CSNK1G1: variants seen among roughly 807,000 people sequenced by gnomAD.
CSNK1G1 encodes casein kinase I isoform gamma-1.
A neutral mutation model predicts 59.6 loss-of-function variants in CSNK1G1; 22 were observed. The observed-to-expected ratio is 0.37, with a 90% CI of 0.26 to 0.53. The LOEUF is 0.53. Among genes scored for constraint, CSNK1G1 ranks in the 20% least tolerant of loss-of-function variants. CSNK1G1 has a pLI of 0.89. For synonymous variants in CSNK1G1, 179 were observed against 177.1 expected, an observed-to-expected ratio of 1.01 and a Z score of -0.08; for missense variants, 384 against 519.5, an observed-to-expected ratio of 0.74 and a Z score of 2.54.
intron 1 of CSNK1G1, chr15:64,342,751 G>C (rs907231654): frequency 1.3e-5 from 2 of 152,154 alleles, no homozygotes; most frequent in Non-Finnish European, 2.9e-5. Flanking sequence ...ATGGATCCCT[G>C]CTTATGAGCA....
intron 1 of CSNK1G1, among the ~76,000 whole-genome samples, chr15:64,341,601 T>C (rs1264779090): frequency 6.6e-6 from 1 of 152,116 alleles, no homozygotes; most frequent in Non-Finnish European, 1.5e-5. Context: ...ATCTCTTGAG[T>C]AGCTGAGACT....
intron 2 of CSNK1G1, among the ~76,000 whole-genome samples, chr15:64,267,256 CAAA>C (rs199581105): frequency 8.1e-5 from 5 of 61,822 alleles, no homozygotes; most frequent in Non-Finnish European, 1.5e-4. Flanking sequence ...GACCTTATCT[CAAA>C]AAAAAAAAAA....
At chr15:64,343,270 G>A (rs1001469804) in intron 1 of CSNK1G1, among the ~76,000 whole-genome samples, 1 of 94,592 alleles carries the variant, frequency 1.1e-5, no homozygotes, top group African/African-American at 3.6e-5. Context: ...TGCCTCTGTA[G>A]GCTTATTTCT....
chr15:64,305,135 G>A (rs1895599380), intron 1 of CSNK1G1, among the ~76,000 whole-genome samples: 1 of 151,980 alleles, frequency 6.6e-6, no homozygotes, highest in African/African-American at 2.4e-5. Flanking sequence ...CCTTCTGTTG[G>A]GTTGCCACTG....
At chr15:64,289,776 C>T (rs902495821) in intron 2 of CSNK1G1, among the ~76,000 whole-genome samples, 2 of 151,860 alleles carry the variant, frequency 1.3e-5, no homozygotes, top group Non-Finnish European at 2.9e-5. Flanking sequence ...AACAAAAAAC[C>T]GTATAACCTC....
At position 64,176,186 on chromosome 15, in the gene CSNK1G1, G is replaced by A. The variant is rs1309222127; in HGVS notation, c.1214+4162C>T. ...ATGGAAGCTATTTAATGTTCCTAAG[G>A]CATTTTGTTTGGCTTTGCCAGTCCC... On this transcript the variant is annotated intron_variant, in intron 11 of 11. Coordinates refer to ENST00000303052, the MANE Select transcript of CSNK1G1 (RefSeq NM_022048.5). The surrounding 1 kb of genome is among the most constrained non-coding windows in gnomAD (Gnocchi z 5.2). 4 of 398,502 alleles carry A rather than the reference G, an allele frequency of 1.0e-5. No homozygotes were observed. Among genetic ancestry groups the A allele is most frequent in the Non-Finnish European group, 1.8e-5 (4 of 226,074 alleles). 24.7% of individuals were successfully genotyped at this position (398,502 alleles called of 1,614,324 possible). A position where few individuals can be genotyped will look rare whatever the true frequency, so the allele number is the denominator to read the frequency against.
chr15:64,349,388 G>T (rs1898159237), intron 1 of CSNK1G1, among the ~76,000 whole-genome samples: 1 of 152,018 alleles, frequency 6.6e-6, no homozygotes, highest in South Asian at 2.1e-4. Context: ...TCTGGACAAG[G>T]CAAAAACTAA....
At chr15:64,199,625 C>T (rs1292208436) in intron 10 of CSNK1G1, among the ~76,000 whole-genome samples, 3 of 152,270 alleles carry the variant, frequency 2.0e-5, no homozygotes, top group South Asian at 2.1e-4. Context: ...GAGGCCGAGG[C>T]GGGCGGATTG....
intron 1 of CSNK1G1, among the ~76,000 whole-genome samples, chr15:64,318,368 A>C (rs146923881): frequency 5.3e-5 from 8 of 152,230 alleles, no homozygotes; most frequent in Admixed American, 5.2e-4. Context: ...TTTCTGAAAG[A>C]CATTTCTAGA....
At chr15:64,325,663 T>C (rs1432308615) in intron 1 of CSNK1G1, among the ~76,000 whole-genome samples, 3 of 152,032 alleles carry the variant, frequency 2.0e-5, no homozygotes, top group Non-Finnish European at 4.4e-5. Context: ...ATCTCTAAAT[T>C]TTTACAGTAA....
In CSNK1G1 at chr15:64,200,966, A is replaced by T. The variant is rs2082098626; in HGVS notation, c.1107+2116T>A. ...AGTAAGGTATTTCATCAGAGAAGAA[A>T]ATAACTTGATCAAATTGCTTTCTAG... is the stretch of plus-strand genomic sequence containing the variant. On this transcript the variant is annotated intron_variant, in intron 10 of 11. Transcript: ENST00000303052. The surrounding 1 kb of genome is among the most constrained non-coding windows in gnomAD (Gnocchi z 4.3). Among the ~76,000 whole-genome samples the T allele has an allele frequency of 6.6e-6, 1 of 152,192 alleles. No individual in the cohort carries two copies. The highest frequency in any genetic ancestry group is 1.5e-5 in the Non-Finnish European group (1 of 68,036).
chr15:64,285,624 C>G (rs1347316499), intron 2 of CSNK1G1, among the ~76,000 whole-genome samples: 1 of 152,102 alleles, frequency 6.6e-6, no homozygotes, highest in African/African-American at 2.4e-5. Context: ...AACATTAATC[C>G]AAACTACCTG....
intron 1 of CSNK1G1, among the ~76,000 whole-genome samples, chr15:64,305,953 A>T (rs1006995955): frequency 6.6e-6 from 1 of 152,136 alleles, no homozygotes; most frequent in Non-Finnish European, 1.5e-5. Context: ...AAAGAAAAAT[A>T]ATCTAGATAC....
At chr15:64,338,138 A>G (rs1233526385) in intron 1 of CSNK1G1, among the ~76,000 whole-genome samples, 2 of 152,148 alleles carry the variant, frequency 1.3e-5, no homozygotes, top group South Asian at 2.1e-4. Context: ...TGCTGGGTCT[A>G]TATGGTAGTC....
intron 2 of CSNK1G1, among the ~76,000 whole-genome samples, chr15:64,267,118 G>A (rs974633861): frequency 4.6e-5 from 7 of 151,974 alleles, no homozygotes; most frequent in African/African-American, 1.2e-4. Flanking sequence ...TTAGCTGGGC[G>A]TGGTGGTGCA....
chr15:64,181,260 T>C, intron 10 of CSNK1G1: 1 of 1,536,074 alleles, frequency 6.5e-7, no homozygotes, highest in Non-Finnish European at 8.7e-7. Flanking sequence ...GTGAAGGCTC[T>C]CACTCCTGTC....
At position 64,338,719 on chromosome 15, in the gene CSNK1G1, A is replaced by AC. The variant is rs1334840498; in HGVS notation, c.-225+17268_-225+17269insG. Among the ~76,000 whole-genome samples the AC allele has an allele frequency of 4.4e-3, 640 of 144,778 alleles. 11 individuals carry two copies. The highest frequency in any genetic ancestry group is 0.016 in the African/African-American group (606 of 38,946). The allele number at this position is 144,778 out of a possible 152,430, so 95.0% of individuals were successfully genotyped here. On this transcript the variant is annotated intron_variant, in intron 1 of 11. Transcript: ENST00000303052. Reference sequence around the variant, plus strand: ...CGGTCTCAAAAAAAAAAAAAAAAAAAAAAAAAAAACACTTCTGGCCGGGCG... The same window carrying AC: ...CGGTCTCAAAAAAAAAAAAAAAAAAACAAAAAAAAACACTTCTGGCCGGGCG...
intron 4 of CSNK1G1, among the ~76,000 whole-genome samples, chr15:64,233,198 T>C (rs538767014): frequency 6.6e-6 from 1 of 152,322 alleles, no homozygotes; most frequent in Non-Finnish European, 1.5e-5. Flanking sequence ...TGAAAAGGTG[T>C]CAGTACTTTG....
chr15:64,338,324 TA>T (rs1411460805), intron 1 of CSNK1G1, among the ~76,000 whole-genome samples: 7 of 152,158 alleles, frequency 4.6e-5, no homozygotes, highest in Non-Finnish European at 1.0e-4. Context: ...TTTAGTATGA[TA>T]GCAAGATTAG....
Sources: allele counts gnomAD v4.1 joint callset (sites outside exome capture counted in the v4.1 genomes callset), GRCh38; gene constraint gnomAD v4.1.1; non-coding constraint Gnocchi (gnomAD v3.1); transcripts MANE v1.5; gene names NCBI Gene and HGNC (gene_info 2026-07-23, HGNC 2026-07-21).